PRKCH: variants seen among roughly 807,000 people sequenced by gnomAD.
PRKCH encodes protein kinase C eta type.
Under a neutral mutation model 82.5 loss-of-function variants are expected in PRKCH, and 28 were observed. The ratio of observed to expected loss-of-function variants is 0.34; its 90% CI spans 0.25 to 0.47. PRKCH has a LOEUF of 0.47. Ranked by LOEUF, PRKCH falls within the 20% of genes least tolerant of loss-of-function variation. PRKCH has a pLI of 1.00. For missense variants in PRKCH, 705 were observed against 881.8 expected, an observed-to-expected ratio of 0.80 and a Z score of 2.54; for synonymous variants, 322 against 327.4, an observed-to-expected ratio of 0.98 and a Z score of 0.18.
At chr14:61,334,574 C>T (rs909442412) in intron 1 of PRKCH, among the ~76,000 whole-genome samples, 2 of 152,046 alleles carry the variant, frequency 1.3e-5, no homozygotes, top group African/African-American at 2.4e-5. Flanking sequence ...GCAACAAAGG[C>T]CCTACCGTGA....
intron 1 of PRKCH, among the ~76,000 whole-genome samples, chr14:61,224,885 C>A: frequency 6.6e-6 from 1 of 152,146 alleles, no homozygotes; most frequent in East Asian, 1.9e-4. Flanking sequence ...ATTGGCAGGG[C>A]CCTTAGGAGT....
At chr14:61,423,419 C>T (rs988247740) in intron 2 of PRKCH, among the ~76,000 whole-genome samples, 3 of 152,128 alleles carry the variant, frequency 2.0e-5, no homozygotes, top group South Asian at 2.1e-4. Flanking sequence ...TGTGCCAGAT[C>T]GTGACAGTTA....
chr14:61,396,080 A>AG (rs1491036290), intron 2 of PRKCH, among the ~76,000 whole-genome samples: 611 of 34,794 alleles, frequency 0.018, 6 homozygotes, highest in African/African-American at 0.03. Context: ...ACCTTGTTTC[A>AG]GAAAAAAAAA....
chr14:61,211,278 G>T (rs559340252), intron 1 of PRKCH, among the ~76,000 whole-genome samples: 10 of 152,332 alleles, frequency 6.6e-5, no homozygotes, highest in Admixed American at 6.5e-4. Flanking sequence ...GTGACAGCGT[G>T]CACAGTGCCG....
rs145334254 is a variant in PRKCH at position 61,337,995 on chromosome 14, G to A, written c.363+15531G>A. ...TATATTGTTTTTGAGTCTCCTTGCC[G>A]GGCCTCCTCGCCTTCTTGTCATGCA... On this transcript the variant is annotated intron_variant, in intron 1 of 13. Coordinates refer to ENST00000332981, the MANE Select transcript of PRKCH (RefSeq NM_006255.5). Among the ~76,000 whole-genome samples, 374 of 152,176 alleles carry A rather than the reference G, an allele frequency of 2.5e-3. 2 individuals carry two copies. The highest frequency in any genetic ancestry group is 8.8e-3 in the African/African-American group (367 of 41,490).
chr14:61,462,036 A>G (rs1318615669), intron 9 of PRKCH, among the ~76,000 whole-genome samples: 2 of 152,226 alleles, frequency 1.3e-5, no homozygotes, highest in African/African-American at 2.4e-5. Flanking sequence ...GTTGTAGTAG[A>G]TGTCTCCAAA....
intron 1 of PRKCH, among the ~76,000 whole-genome samples, chr14:61,383,993 G>T (rs558530509): frequency 6.6e-6 from 1 of 152,130 alleles, no homozygotes; most frequent in Non-Finnish European, 1.5e-5. Flanking sequence ...ACCAGCGGAG[G>T]CTTTAGAGGG....
chr14:61,529,422 A>G (rs922595386), intron 11 of PRKCH, among the ~76,000 whole-genome samples: 1 of 152,216 alleles, frequency 6.6e-6, no homozygotes, highest in Non-Finnish European at 1.5e-5. Flanking sequence ...GAGTTAAAAA[A>G]GAAAATCATG....
rs369436680 is a variant in PRKCH at position 61,485,459 on chromosome 14, A to C, written c.1279-43A>C. On this transcript the variant is annotated intron_variant, in intron 9 of 13. Transcript: ENST00000332981. Reference sequence around the variant, plus strand: ...TATGCTGCTGATGGAGCTCTAGGTTAATTGCTACACCACATTGGGCCCTCT... The same window carrying C: ...TATGCTGCTGATGGAGCTCTAGGTTCATTGCTACACCACATTGGGCCCTCT... 5 of 1,600,116 alleles carry C rather than the reference A, an allele frequency of 3.1e-6. No individual in the cohort carries two copies. The African/African-American group carries it at 4.0e-5, about 13-fold the overall frequency.
At chr14:61,307,163 CTGAGGCAGGAAAATCGCT>C (rs1339035698) in intron 1 of PRKCH, 1 of 152,132 alleles carries the variant, frequency 6.6e-6, no homozygotes, top group Non-Finnish European at 1.5e-5. Flanking sequence ...CTTTGGGAAG[CTGAGGCAGGAAAATCGCT>C]TGAGGCTAGG....
intron 10 of PRKCH, among the ~76,000 whole-genome samples, chr14:61,492,501 G>A (rs1886490230): frequency 6.6e-6 from 1 of 152,188 alleles, no homozygotes. Context: ...TCTGCTGTTT[G>A]CTTTCCATCT....
At chr14:61,210,715 G>C (rs1388822450) in intron 1 of PRKCH, among the ~76,000 whole-genome samples, 4 of 151,646 alleles carry the variant, frequency 2.6e-5, no homozygotes, top group Non-Finnish European at 4.4e-5. Context: ...TAAATGTATA[G>C]GGGTCCCAAG....
intron 1 of PRKCH, among the ~76,000 whole-genome samples, chr14:61,235,382 A>G (rs2044779286): frequency 6.6e-6 from 1 of 152,202 alleles, no homozygotes; most frequent in African/African-American, 2.4e-5. Flanking sequence ...TCCCAACGGT[A>G]TGTTATCCAT....
intron 1 of PRKCH, among the ~76,000 whole-genome samples, chr14:61,216,634 C>T (rs928737486): frequency 4.6e-5 from 7 of 152,298 alleles, no homozygotes; most frequent in African/African-American, 1.7e-4. Flanking sequence ...ACACTTCACA[C>T]TTACTTCACT....
chr14:61,212,457 G>A (rs2044590295), intron 1 of PRKCH, among the ~76,000 whole-genome samples: 1 of 152,180 alleles, frequency 6.6e-6, no homozygotes. Flanking sequence ...TCTGCATATT[G>A]CTGATACTTG....
intron 2 of PRKCH, among the ~76,000 whole-genome samples, chr14:61,407,840 C>G (rs890482592): frequency 6.6e-6 from 1 of 152,246 alleles, no homozygotes; most frequent in Non-Finnish European, 1.5e-5. Context: ...TACAGACTGC[C>G]CATGGGCTGA....
intron 1 of PRKCH, among the ~76,000 whole-genome samples, chr14:61,220,190 C>A (rs541428636): frequency 1.3e-5 from 2 of 152,312 alleles, no homozygotes; most frequent in South Asian, 4.1e-4. Context: ...TACCACACTC[C>A]TGAAATGGTT....
chr14:61,534,636 G>A (rs1384861051), intron 12 of PRKCH, among the ~76,000 whole-genome samples: 1 of 152,154 alleles, frequency 6.6e-6, no homozygotes, highest in Admixed American at 6.5e-5. Flanking sequence ...GTGATCATTA[G>A]AGGCATAAAC....
In PRKCH at chr14:61,475,643, G is replaced by A. The variant is rs188485748; in HGVS notation, c.1279-9859G>A. ...TGTAGGACTTCATAGAACTGGCATC[G>A]GGAATAGCATGCAACTGTTAAAAAA... On this transcript the variant is annotated intron_variant, in intron 9 of 13. Coordinates refer to ENST00000332981, the MANE Select transcript of PRKCH (RefSeq NM_006255.5). Among the ~76,000 whole-genome samples the A allele has an allele frequency of 2.2e-4, 33 of 152,212 alleles. 1 individual carries two copies. In the East Asian group the frequency reaches 6.2e-3, roughly 28 times the overall value.
Sources: gnomAD v4.1 joint callset for allele counts (sites outside exome capture counted in the v4.1 genomes callset) on GRCh38, gnomAD v4.1.1 for gene constraint, MANE v1.5 for transcripts, NCBI Gene and HGNC (gene_info 2026-07-23, HGNC 2026-07-21) for gene names.